Variants in GBP4 observed in about 807,000 individuals in gnomAD.
GBP4 encodes guanylate binding protein 4.
A neutral mutation model predicts 62.2 loss-of-function variants in GBP4; 69 were observed. The observed-to-expected ratio is 1.11, with a 90% confidence interval of 0.91 to 1.36. GBP4 has a LOEUF of 1.36. Among genes scored for constraint, GBP4 ranks in the 40% most tolerant of loss-of-function variants. The probability of loss-of-function intolerance (pLI) is 0.00; values close to 1 mark genes in which losing one functional copy is unlikely to be tolerated. For synonymous variants in GBP4, 278 were observed against 274.6 expected, an observed-to-expected ratio of 1.01 and a Z score of -0.12; for missense variants, 697 against 759.3, an observed-to-expected ratio of 0.92 and a Z score of 0.96.
chr1:89,197,246 T>C lies in GBP4; in HGVS notation c.99A>G (p.Glu33=), dbSNP rs1168477650. The C allele has an allele frequency of 6.2e-7, 1 of 1,614,196 alleles. No homozygotes were observed. The highest frequency in any genetic ancestry group is 1.7e-5 in the Admixed American group (1 of 60,032). Residue 33 remains glutamate (E), a synonymous_variant, in exon 2 of 11, where the codon GAA becomes GAG. Coordinates refer to ENST00000355754, the MANE Select transcript of GBP4 (RefSeq NM_052941.5). ...CCTTTGAATTCACTGTCAGCTGCTC[T>C]TCCTGGTTTTCCACTAGACAAATGG... ...MAPICLVENQ[E]EQLTVNSKAL... is the part of the protein sequence containing the mutation.
Position 89,198,814 on chromosome 1 carries a change from G to C in GBP4, c.21C>G (p.His7Gln). 1.9e-6 allele frequency: 3 copies of C among 1,613,850 alleles called. No homozygotes were observed. The highest frequency in any genetic ancestry group is 8.5e-7 in the Non-Finnish European group (1 of 1,179,730). ...ACTTACCTGGTGTGGGCACTGCAGC[G>C]TGAAGAGTTCTCTCACCCATTGCTC... is the stretch of plus-strand genomic sequence containing the variant. MGERTL[H>Q]AAVPTPGYPE... Residue 7 changes from histidine to glutamine, a missense_variant, in exon 1 of 11, where the codon CAC becomes CAG. Coordinates refer to ENST00000355754, the MANE Select transcript of GBP4 (RefSeq NM_052941.5).
chr1:89,198,168 T>C (rs585525), intron 1 of GBP4, among the ~76,000 whole-genome samples: 2 of 151,820 alleles, frequency 1.3e-5, no homozygotes, highest in African/African-American at 4.8e-5. Flanking sequence ...TTGGGCTTTA[T>C]CAACCAGACA....
intron 2 of GBP4, among the ~76,000 whole-genome samples, chr1:89,196,227 G>C (rs955319596): frequency 6.6e-6 from 1 of 152,176 alleles, no homozygotes; most frequent in Non-Finnish European, 1.5e-5. Context: ...GTGGCATACT[G>C]TCTGAGGGTA....
Position 89,184,920 on chromosome 1 carries a change from T to C in GBP4, c.*334A>G, listed in dbSNP as rs1196518167. The C allele has an allele frequency of 5.4e-6, 1 of 183,788 alleles. No homozygotes were observed. The highest frequency in any genetic ancestry group is 1.1e-5 in the Non-Finnish European group (1 of 89,466). 11.4% of individuals were successfully genotyped at this position (183,788 alleles called of 1,614,324 possible). ...TTAATCGGCAAGAGCTAGTCATAACTGAAATTATTTCTGTGACTATAATAT... is the reference window on the plus strand; with the variant it reads ...TTAATCGGCAAGAGCTAGTCATAACCGAAATTATTTCTGTGACTATAATAT... On this transcript the variant is annotated 3_prime_UTR_variant, in exon 11 of 11. Coordinates refer to ENST00000355754, the MANE Select transcript of GBP4 (RefSeq NM_052941.5).
intron 8 of GBP4, among the ~76,000 whole-genome samples, chr1:89,187,423 T>C (rs1162401146): frequency 1.3e-5 from 2 of 152,016 alleles, no homozygotes; most frequent in African/African-American, 4.8e-5. Flanking sequence ...AAATACACAT[T>C]CTCAGTTTTT....
intron 7 of GBP4, 128 bp from the exon 8 acceptor site, chr1:89,188,922 A>G (rs1234497819): frequency 2.1e-6 from 2 of 949,120 alleles, no homozygotes; most frequent in Non-Finnish European, 3.2e-6. Flanking sequence ...ACCAAGAGTC[A>G]CAAGAATGAT....
rs1648056320 is a variant in GBP4 at position 89,187,094 on chromosome 1, C to A, written c.1419G>T (p.Glu473Asp). 1.2e-5 allele frequency: 19 copies of A among 1,614,046 alleles called. No individual in the cohort carries two copies. Among genetic ancestry groups the A allele is most frequent in the Non-Finnish European group, 1.5e-5 (18 of 1,179,948 alleles). ...LVPRKGVKAN[E>D]VLQNFLQSQV... ...GTGACTGCAGGAAGTTCTGGAGGAC[C>A]TCGTTTGCCTGAGGAACCAAGAAAG... Residue 473 changes from glutamate to aspartate, a missense_variant, in exon 9 of 11, where the codon GAG becomes GAT. This residue lies in a region of GBP4 where 141 missense variants were observed against 196.6 expected (regional missense o/e 0.72). Transcript: ENST00000355754.
chr1:89,193,803 G>C (rs748494383), intron 3 of GBP4, among the ~76,000 whole-genome samples: 11 of 152,138 alleles, frequency 7.2e-5, no homozygotes, highest in Non-Finnish European at 1.3e-4. Flanking sequence ...CCCTGCATTT[G>C]GTTTTGTGGA....
chr1:89,186,394 A>G lies in GBP4; in HGVS notation c.1646T>C (p.Leu549Ser), dbSNP rs932718230. 4.1e-6 allele frequency: 6 copies of G among 1,446,606 alleles called. No individual in the cohort carries two copies. The highest frequency in any genetic ancestry group is 2.7e-5 in the African/African-American group (2 of 74,338). 89.6% of individuals were successfully genotyped at this position (1,446,606 alleles called of 1,614,324 possible). Residue 549 changes from leucine (L) to serine (S), a missense_variant, in exon 10 of 11, where the codon TTG (leucine) becomes TCG (serine). This residue lies in a region of GBP4 where 141 missense variants were observed against 196.6 expected (regional missense o/e 0.72). Transcript: ENST00000355754. ...QEYMAQMEKK[L>S]EEERENLLRE... Reference sequence around the variant, plus strand: ...GAGAAGGTTTTCCCTTTCCTCCTCCAACTTCTTCTCCATTTGGGCCATGTA... The same window carrying G: ...GAGAAGGTTTTCCCTTTCCTCCTCCGACTTCTTCTCCATTTGGGCCATGTA...
rs748429660 is a variant in GBP4, at chr1:89,188,814, A to G, written c.1198-20T>C. ...GGTGTCCTGCCAGAAAAATGTAGAG[A>G]AAACAGTAGAAAGAAGCTGTTAGAA... On this transcript the variant is annotated intron_variant, in intron 7 of 10. Coordinates refer to ENST00000355754, the MANE Select transcript of GBP4 (RefSeq NM_052941.5). 3.1e-6 allele frequency: 5 copies of G among 1,612,734 alleles called. No homozygotes were observed. Among genetic ancestry groups the G allele is most frequent in the Non-Finnish European group, 4.2e-6 (5 of 1,179,208 alleles).
rs1223418722 is a variant in GBP4, at chr1:89,181,233, C to T, written c.*4021G>A. ...CAGTGAAGGGAGATAGGGTTGGGAC[C>T]ATTTTACAGGATTTGGGTTGGTAAA... On this transcript the variant is annotated 3_prime_UTR_variant, in exon 11 of 11. Transcript: ENST00000355754. The T allele has an allele frequency of 6.6e-6, 1 of 152,040 alleles. No homozygotes were observed. The highest frequency in any genetic ancestry group is 2.4e-5 in the African/African-American group (1 of 41,384). The allele number at this position is 152,040 out of a possible 1,614,324, so 9.4% of individuals were successfully genotyped here.
intron 9 of GBP4, 91 bp from the exon 10 acceptor site, chr1:89,186,617 A>G: frequency 8.8e-7 from 1 of 1,140,726 alleles, no homozygotes; most frequent in Non-Finnish European, 1.2e-6. Flanking sequence ...CTCGGAGAAA[A>G]GCACAAAGGT....
chr1:89,197,138 G>A lies in GBP4; in HGVS notation c.207C>T (p.Leu69=). 6.2e-7 allele frequency: 1 copy of A among 1,613,658 alleles called. No individual in the cohort carries two copies. ...TGCGCTTTCCTGCAAGACGATTCAT[G>A]AGATAGGATTTTCCTGTGCGGTATA... is the stretch of plus-strand genomic sequence containing the variant. The part of the protein sequence containing the change: ...VGLYRTGKSY[L]MNRLAGKRNG... Residue 69 remains leucine (L), a synonymous_variant, in exon 2 of 11, where the codon CTC becomes CTT. Transcript: ENST00000355754.
chr1:89,190,014 A>C, intron 7 of GBP4, 24 bp downstream of exon 7: 1 of 1,585,972 alleles, frequency 6.3e-7, no homozygotes, highest in Non-Finnish European at 8.6e-7. Context: ...GGCAGAAATC[A>C]GGAAGGATAA....
At chr1:89,190,847 GCCCCGTACTTA>G (rs1391738152) in intron 6 of GBP4, among the ~76,000 whole-genome samples, 1 of 152,016 alleles carries the variant, frequency 6.6e-6, no homozygotes, top group Non-Finnish European at 1.5e-5. Flanking sequence ...CATGAAGCTA[GCCCCGTACTTA>G]ATATGACATT....
chr1:89,186,488 C>A lies in GBP4; in HGVS notation c.1552G>T (p.Glu518Ter). 6.2e-7 allele frequency: 1 copy of A among 1,614,136 alleles called. No homozygotes were observed. The highest frequency in any genetic ancestry group is 1.3e-5 in the African/African-American group (1 of 75,038). The change falls in exon 10 of 11, where the codon GAG becomes TAG. Residue 518 changes from glutamate to a stop codon, truncating the protein, a stop_gained. Transcript: ENST00000355754. LOFTEE classifies it high-confidence loss of function. ...AMKEAAEKEQ[E>*]LLREKQKEQQ... ...TCCTTCTGTTTTTCTCTTAGCAGCT[C>A]CTGTTCCTTCTCAGCTGCTTCCTTC... is the stretch of plus-strand genomic sequence containing the variant.
At chr1:89,193,513 T>A in intron 3 of GBP4, 101 bp from the exon 4 acceptor site, 3 of 1,010,944 alleles carry the variant, frequency 3.0e-6, no homozygotes, top group Non-Finnish European at 4.5e-6. Context: ...GATAGTTGAA[T>A]AATAGGGTAA....
rs1355458639 is a variant in GBP4, at chr1:89,185,154, A to G, written c.*100T>C. 2 of 648,272 alleles carry G rather than the reference A, an allele frequency of 3.1e-6. No individual in the cohort carries two copies. The highest frequency in any genetic ancestry group is 2.6e-6 in the Non-Finnish European group (1 of 388,664). The allele number at this position is 648,272 out of a possible 1,614,324, so 40.2% of individuals were successfully genotyped here. A position where few individuals can be genotyped will look rare whatever the true frequency, so the allele number is the denominator to read the frequency against. Reference sequence around the variant, plus strand: ...TAATTTTAAACTTTTCTTGAATGAAACTGCTATAACACATATACTTACAAA... The same window carrying G: ...TAATTTTAAACTTTTCTTGAATGAAGCTGCTATAACACATATACTTACAAA... On this transcript the variant is annotated 3_prime_UTR_variant, in exon 11 of 11. Transcript: ENST00000355754.
Position 89,195,405 on chromosome 1 carries a change from C to A in GBP4, c.255G>T (p.Thr85=). ...GKRNGFPLGS[T]VQSETKGIWM... ...AGATGCCCTTAGTTTCAGACTGCAC[C>A]GTGGAGCCCAGAGGGAAGCCTGCAG... is the stretch of plus-strand genomic sequence containing the variant. The change falls in exon 3 of 11, where the codon ACG becomes ACT. Residue 85 remains threonine, a synonymous_variant. Coordinates refer to ENST00000355754, the MANE Select transcript of GBP4 (RefSeq NM_052941.5). 1 of 1,613,828 alleles carries A rather than the reference C, an allele frequency of 6.2e-7. No individual in the cohort carries two copies. The highest frequency in any genetic ancestry group is 8.5e-7 in the Non-Finnish European group (1 of 1,179,826).
Sources: allele counts gnomAD v4.1 joint callset (sites outside exome capture counted in the v4.1 genomes callset), GRCh38; gene constraint gnomAD v4.1.1; regional missense constraint gnomAD v4.1.1; transcripts MANE v1.5; gene names NCBI Gene and HGNC (gene_info 2026-07-23, HGNC 2026-07-21).